OLFM1: variants seen among roughly 807,000 people sequenced by gnomAD.
The protein encoded by OLFM1 is olfactomedin 1.
A neutral mutation model predicts 49.7 loss-of-function variants in OLFM1; 9 were observed. The observed-to-expected ratio is 0.18, with a 90% CI of 0.11 to 0.32. The LOEUF (loss-of-function observed/expected upper bound fraction) is 0.32. Among genes scored for constraint, OLFM1 ranks in the 10% least tolerant of loss-of-function variants. The pLI is 1.00. For missense variants in OLFM1, 369 were observed against 661.8 expected, an observed-to-expected ratio of 0.56 and a Z score of 4.85; for synonymous variants, 240 against 271.8, an observed-to-expected ratio of 0.88 and a Z score of 1.15.
chr9:135,093,741 T>G (rs1431187434), intron 2 of OLFM1, among the ~76,000 whole-genome samples: 2 of 152,134 alleles, frequency 1.3e-5, no homozygotes, highest in Admixed American at 6.6e-5. Flanking sequence ...GGAAGGGCTG[T>G]GCTCAGAGGA....
At chr9:135,109,410 G>A (rs919264614) in intron 5 of OLFM1, among the ~76,000 whole-genome samples, 3 of 152,166 alleles carry the variant, frequency 2.0e-5, no homozygotes, top group Non-Finnish European at 4.4e-5. Flanking sequence ...CGCCCTCCAG[G>A]AAAAGAGGCT....
intron 1 of OLFM1, among the ~76,000 whole-genome samples, chr9:135,082,354 T>A (rs1830543823): frequency 6.6e-6 from 1 of 151,882 alleles, no homozygotes; most frequent in Non-Finnish European, 1.5e-5. Flanking sequence ...CTTCGGGGAG[T>A]TTAAACCCTG....
intron 5 of OLFM1, among the ~76,000 whole-genome samples, chr9:135,107,515 C>T (rs954276909): frequency 2.0e-5 from 3 of 152,078 alleles, no homozygotes; most frequent in African/African-American, 4.8e-5. Context: ...TGGTGAGGCC[C>T]GGCCTCGCTC....
intron 2 of OLFM1, among the ~76,000 whole-genome samples, chr9:135,094,121 G>T (rs748041050): frequency 1.3e-5 from 2 of 152,116 alleles, no homozygotes; most frequent in Non-Finnish European, 2.9e-5. Flanking sequence ...GGAGAGAGGG[G>T]TCTGGACTGG....
At chr9:135,108,781 C>T (rs1490234505) in intron 5 of OLFM1, among the ~76,000 whole-genome samples, 1 of 152,192 alleles carries the variant, frequency 6.6e-6, no homozygotes, top group Non-Finnish European at 1.5e-5. Flanking sequence ...CTTTGTCCTC[C>T]CTGGGACCTG....
intron 1 of OLFM1, chr9:135,077,111 G>C (rs569334813): frequency 2.7e-5 from 42 of 1,550,488 alleles, no homozygotes; most frequent in Admixed American, 1.4e-4. Context: ...GGAGGGTGGT[G>C]GTTGTGCACT....
chr9:135,084,058 G>C (rs1294790893), upstream of OLFM1, among the ~76,000 whole-genome samples: 1 of 152,226 alleles, frequency 6.6e-6, no homozygotes, highest in Non-Finnish European at 1.5e-5. The surrounding 1 kb of genome is among the most constrained non-coding windows in gnomAD (Gnocchi z 4.6). Flanking sequence ...AGGCCTCAGA[G>C]GAGGGGAGTA....
upstream of OLFM1, among the ~76,000 whole-genome samples, chr9:135,084,381 CCTCT>C (rs918628270): frequency 2.7e-5 from 4 of 147,892 alleles, no homozygotes; most frequent in Admixed American, 6.7e-5. The surrounding 1 kb of genome is among the most constrained non-coding windows in gnomAD (Gnocchi z 4.6). Flanking sequence ...TTCTCTCTCT[CCTCT>C]CTGTCTCTAT....
At chr9:135,075,598 C>T in exon 1 of OLFM1, 1 of 640,360 alleles carries the variant, frequency 1.6e-6, no homozygotes, top group Non-Finnish European at 2.4e-6. Context: ...TGAATCCAGG[C>T]GTGGGGACAC....
chr9:135,105,678 G>C (rs574080092), intron 4 of OLFM1: 1 of 152,268 alleles, frequency 6.6e-6, no homozygotes, highest in Non-Finnish European at 1.5e-5. Context: ...CTCTGAACTC[G>C]TGTGCTCGTG....
intron 4 of OLFM1, among the ~76,000 whole-genome samples, chr9:135,104,452 C>T (rs1484918460): frequency 1.3e-5 from 2 of 152,294 alleles, no homozygotes; most frequent in East Asian, 1.9e-4. Flanking sequence ...GGTGTGGTTC[C>T]GGGCGTTAGT....
intron 2 of OLFM1, among the ~76,000 whole-genome samples, chr9:135,091,725 T>TCACA (rs1564270965): frequency 1.1e-3 from 3 of 2,622 alleles, no homozygotes; most frequent in Non-Finnish European, 2.5e-3. Flanking sequence ...AGTCACACAC[T>TCACA]CATAGTCACA....
At chr9:135,110,065 G>A (rs1831001206) in intron 5 of OLFM1, among the ~76,000 whole-genome samples, 1 of 152,174 alleles carries the variant, frequency 6.6e-6, no homozygotes, top group East Asian at 1.9e-4. Flanking sequence ...GCGCTTCCCA[G>A]GGCACCGGGC....
intron 5 of OLFM1, among the ~76,000 whole-genome samples, chr9:135,110,816 C>T (rs1378587471): frequency 6.6e-6 from 1 of 152,236 alleles, no homozygotes; most frequent in Non-Finnish European, 1.5e-5. Flanking sequence ...TTTCCAGCGG[C>T]CCAGGCTCCT....
At chr9:135,091,897 T>TCA (rs56288353) in intron 2 of OLFM1, among the ~76,000 whole-genome samples, 26,508 of 146,666 alleles carry the variant, frequency 0.18, 2,699 homozygotes, top group East Asian at 0.45. Flanking sequence ...TCACACATAG[T>TCA]CACACACACA....
At chr9:135,078,583 CT>C (rs1314442784) in intron 1 of OLFM1, among the ~76,000 whole-genome samples, 22 of 152,352 alleles carry the variant, frequency 1.4e-4, no homozygotes, top group Admixed American at 1.4e-3. Context: ...TGGTCTTGCT[CT>C]GTGATTTTCA....
At chr9:135,110,582 C>T (rs950488284) in intron 5 of OLFM1, among the ~76,000 whole-genome samples, 5 of 152,148 alleles carry the variant, frequency 3.3e-5, no homozygotes, top group Admixed American at 6.5e-5. Context: ...TGCATAAAAC[C>T]GTGTGGGTGC....
intron 3 of OLFM1, among the ~76,000 whole-genome samples, chr9:135,096,238 TCTC>T (rs1830794985): frequency 1.3e-5 from 1 of 76,604 alleles, no homozygotes; most frequent in African/African-American, 5.4e-5. Context: ...CTCTCCTTCT[TCTC>T]CTCCTCTTCC....
At position 135,095,866 on chromosome 9, in the gene OLFM1, G is replaced by T. The variant is rs1435087782; in HGVS notation, c.303G>T (p.Val101=). Residue 101 remains valine, a splice_region_variant and synonymous_variant, in exon 3 of 6, where the codon GTG becomes GTT. Coordinates refer to ENST00000371793, the MANE Select transcript of OLFM1 (RefSeq NM_001282611.2). ...TGAACCTGTTGCCCTTTTGACAGGT[G>T]CAGAACATGTCTCAATCCATAGAGG... ...TKQLRQLLEK[V]QNMSQSIEVL... The T allele has an allele frequency of 6.2e-7, 1 of 1,612,902 alleles. No individual in the cohort carries two copies. Among genetic ancestry groups the T allele is most frequent in the South Asian group, 1.1e-5 (1 of 91,058 alleles).
Sources: gnomAD v4.1 joint callset for allele counts (sites outside exome capture counted in the v4.1 genomes callset) on GRCh38, gnomAD v4.1.1 for gene constraint, Gnocchi (gnomAD v3.1) non-coding constraint, MANE v1.5 for transcripts, NCBI Gene and HGNC (gene_info 2026-07-23, HGNC 2026-07-21) for gene names.